FHIT: variants seen among roughly 807,000 people sequenced by gnomAD.
The protein encoded by FHIT is fragile histidine triad diadenosine triphosphatase.
Under a neutral mutation model 17.9 loss-of-function variants are expected in FHIT, and 19 were observed. The observed-to-expected ratio is 1.06, with a 90% confidence interval of 0.74 to 1.56. FHIT has a LOEUF of 1.56. Among genes scored for constraint, FHIT ranks in the 40% most tolerant of loss-of-function variants. The pLI is 0.00. For missense variants in FHIT, 248 were observed against 189.2 expected, an observed-to-expected ratio of 1.31 and a Z score of -1.82; for synonymous variants, 81 against 69.7, an observed-to-expected ratio of 1.16 and a Z score of -0.81.
At chr3:60,466,430 A>G (rs1182943130) in intron 5 of FHIT, among the ~76,000 whole-genome samples, 1 of 152,050 alleles carries the variant, frequency 6.6e-6, no homozygotes, top group African/African-American at 2.4e-5. Flanking sequence ...ACAGTGGTGA[A>G]AGTGAGCATG....
intron 5 of FHIT, among the ~76,000 whole-genome samples, chr3:60,155,173 CAA>C (rs10552580): frequency 0.52 from 65,694 of 127,136 alleles, 15,895 homozygotes; most frequent in Middle Eastern, 0.68. Context: ...GTGACAGAGT[CAA>C]AAAAAAAAAA....
At chr3:61,179,201 G>A (rs549843299) in intron 2 of FHIT, among the ~76,000 whole-genome samples, 1 of 151,548 alleles carries the variant, frequency 6.6e-6, no homozygotes, top group Admixed American at 6.6e-5. Flanking sequence ...GTAGAGACGG[G>A]GTTTCACCAT....
intron 4 of FHIT, among the ~76,000 whole-genome samples, chr3:60,717,544 G>C (rs1163759880): frequency 6.6e-6 from 1 of 152,128 alleles, no homozygotes; most frequent in African/African-American, 2.4e-5. Flanking sequence ...AGGGCTACCC[G>C]AGCAGCAGCG....
At chr3:61,149,586 T>C (rs1017961299) in intron 2 of FHIT, among the ~76,000 whole-genome samples, 29 of 152,090 alleles carry the variant, frequency 1.9e-4, no homozygotes, top group Admixed American at 1.8e-3. Context: ...TTTTAAAAAA[T>C]GCTTAACTGG....
chr3:60,739,812 A>G (rs2042206908), intron 4 of FHIT, among the ~76,000 whole-genome samples: 1 of 152,206 alleles, frequency 6.6e-6, no homozygotes, highest in South Asian at 2.1e-4. Context: ...CCTAATTATT[A>G]GGAAAACTTA....
At chr3:60,850,332 TCTCTCTC>T (rs1703105891) in intron 3 of FHIT, among the ~76,000 whole-genome samples, 1 of 83,500 alleles carries the variant, frequency 1.2e-5, no homozygotes, top group African/African-American at 6.2e-5. Flanking sequence ...CTTCTCTCTC[TCTCTCTC>T]TCTCTCTCTC....
chr3:60,051,449 T>G (rs1237764502), intron 5 of FHIT, among the ~76,000 whole-genome samples: 1 of 151,562 alleles, frequency 6.6e-6, no homozygotes, highest in African/African-American at 2.4e-5. Flanking sequence ...AGGATTTGAC[T>G]GAGGAGGCAG....
chr3:60,554,762 C>G (rs928030995), intron 4 of FHIT, among the ~76,000 whole-genome samples: 1 of 152,022 alleles, frequency 6.6e-6, no homozygotes, highest in African/African-American at 2.4e-5. Flanking sequence ...ATTAAAGTTC[C>G]CAACATAAGT....
chr3:60,240,769 C>T (rs976139820), intron 5 of FHIT, among the ~76,000 whole-genome samples: 1 of 152,072 alleles, frequency 6.6e-6, no homozygotes, highest in African/African-American at 2.4e-5. Context: ...TGGCAGATAG[C>T]AGGAAGTAGA....
intron 5 of FHIT, among the ~76,000 whole-genome samples, chr3:60,470,719 G>C (rs936418188): frequency 6.6e-6 from 1 of 151,964 alleles, no homozygotes; most frequent in Admixed American, 6.6e-5. Flanking sequence ...GGCCAAACTG[G>C]TACCCAAGCG....
chr3:60,692,067 C>T lies in FHIT; in HGVS notation c.-18+129852G>A, dbSNP rs1002753394. On this transcript the variant is annotated intron_variant, in intron 4 of 9. Transcript: ENST00000492590. ...TACAGCTAAATGACATGTTGGTTTACAAAACTTATATCCTAATTTCCATCC... is the reference window on the plus strand; with the variant it reads ...TACAGCTAAATGACATGTTGGTTTATAAAACTTATATCCTAATTTCCATCC... 3.3e-5 allele frequency among the ~76,000 whole-genome samples: 5 copies of T among 152,318 alleles called. No homozygotes were observed. In the East Asian group the frequency reaches 7.7e-4, roughly 24 times the overall value.
intron 7 of FHIT, among the ~76,000 whole-genome samples, chr3:59,974,574 G>T (rs778952511): frequency 6.6e-6 from 1 of 152,052 alleles, no homozygotes; most frequent in African/African-American, 2.4e-5. Flanking sequence ...TGACATTTAA[G>T]TGGCAGTGAC....
chr3:60,576,939 T>G (rs1441020679), intron 4 of FHIT, among the ~76,000 whole-genome samples: 3 of 88,888 alleles, frequency 3.4e-5, no homozygotes, highest in African/African-American at 1.4e-4. Flanking sequence ...CATATTTGCA[T>G]CCATTTGCAT....
At chr3:59,818,346 G>C (rs1700675475) in intron 8 of FHIT, among the ~76,000 whole-genome samples, 1 of 152,062 alleles carries the variant, frequency 6.6e-6, no homozygotes, top group Admixed American at 6.5e-5. Flanking sequence ...TGGAAATATA[G>C]CAGGGTGCCC....
At chr3:60,407,400 CCT>C (rs1440464346) in intron 5 of FHIT, among the ~76,000 whole-genome samples, 1 of 151,934 alleles carries the variant, frequency 6.6e-6, no homozygotes, top group African/African-American at 2.4e-5. Context: ...TTTTTAATCC[CCT>C]GAGATTTATC....
Position 60,306,426 on chromosome 3 carries a change from T to C in FHIT, c.103+230434A>G, listed in dbSNP as rs140403087. On this transcript the variant is annotated intron_variant, in intron 5 of 9. Transcript: ENST00000492590. ...GAGTCAAGGCTATGTGGAATAGAAA[T>C]CTCTGCAAAAATACTTAACCCAGTC... Among the ~76,000 whole-genome samples the C allele has an allele frequency of 7.9e-5, 12 of 152,226 alleles. 1 individual carries two copies. The East Asian group carries it at 2.3e-3, about 29-fold the overall frequency.
At chr3:60,831,329 T>C (rs2106817205) in intron 3 of FHIT, among the ~76,000 whole-genome samples, 1 of 152,304 alleles carries the variant, frequency 6.6e-6, no homozygotes, top group Non-Finnish European at 1.5e-5. Context: ...CCTTATACTC[T>C]GAAAGAGAAC....
intron 7 of FHIT, among the ~76,000 whole-genome samples, chr3:60,007,882 T>C (rs570148328): frequency 1.4e-4 from 22 of 152,162 alleles, no homozygotes; most frequent in Non-Finnish European, 2.9e-4. Flanking sequence ...GGTCAGAGAA[T>C]TCTTTTATGG....
chr3:60,226,895 A>G (rs1438698807), intron 5 of FHIT, among the ~76,000 whole-genome samples: 1 of 137,656 alleles, frequency 7.3e-6, no homozygotes, highest in Non-Finnish European at 1.6e-5. Context: ...TCCTCTGGCT[A>G]GAACATCTAT....
Sources: gnomAD v4.1 joint callset for allele counts (sites outside exome capture counted in the v4.1 genomes callset) on GRCh38, gnomAD v4.1.1 for gene constraint, MANE v1.5 for transcripts, NCBI Gene and HGNC (gene_info 2026-07-23, HGNC 2026-07-21) for gene names.